PKP4: variants seen among roughly 807,000 people sequenced by gnomAD.
PKP4 encodes the protein plakophilin-4.
Under a neutral mutation model 145.1 loss-of-function variants are expected in PKP4, and 90 were observed. The ratio of observed to expected loss-of-function variants is 0.62; its 90% CI spans 0.52 to 0.74. PKP4 has a LOEUF of 0.74. Among genes scored for constraint, PKP4 ranks in the 30% least tolerant of loss-of-function variants. PKP4 has a pLI of 0.00. For missense variants in PKP4, 1,340 were observed against 1,482.7 expected (o/e 0.90, Z 1.58); for synonymous variants, 563 against 577.2 (o/e 0.98, Z 0.35).
intron 3 of PKP4, among the ~76,000 whole-genome samples, chr2:158,595,894 C>G (rs1406042616): frequency 1.3e-5 from 2 of 152,084 alleles, no homozygotes; most frequent in Non-Finnish European, 2.9e-5. Context: ...CTATGGAGCC[C>G]AGTTCACATA....
At chr2:158,504,428 G>T (rs970895819) in intron 1 of PKP4, among the ~76,000 whole-genome samples, 3 of 152,178 alleles carry the variant, frequency 2.0e-5, no homozygotes, top group African/African-American at 4.8e-5. Flanking sequence ...AGAATTATCT[G>T]ATTTATTGAT....
At position 158,511,115 on chromosome 2, in the gene PKP4, G is replaced by A. The variant is rs543757755; in HGVS notation, c.-5-22065G>A. ...GAAACTCACGTCAGGGGCTGAGCGC[G>A]GTGGCTCACACCTGAAATCTCAGCA... On this transcript the variant is annotated intron_variant, in intron 1 of 21. Transcript: ENST00000389759. Among the ~76,000 whole-genome samples the A allele has an allele frequency of 1.5e-4, 23 of 152,304 alleles. 1 individual carries two copies. In the South Asian group the frequency reaches 3.3e-3, roughly 22 times the overall value.
chr2:158,575,509 G>C (rs1411101992), intron 2 of PKP4, among the ~76,000 whole-genome samples: 3 of 152,142 alleles, frequency 2.0e-5, no homozygotes, highest in Non-Finnish European at 2.9e-5. Flanking sequence ...TTGTTTCTAT[G>C]AATGGAATTT....
At chr2:158,625,452 A>G (rs769886951) in intron 7 of PKP4, 25 bp downstream of exon 7, 1 of 1,548,188 alleles carries the variant, frequency 6.5e-7, no homozygotes, top group Non-Finnish European at 8.8e-7. Flanking sequence ...ACAGTGCTAC[A>G]TAAAACCCAG....
At chr2:158,605,961 T>C (rs1034739245) in intron 4 of PKP4, among the ~76,000 whole-genome samples, 7 of 152,240 alleles carry the variant, frequency 4.6e-5, no homozygotes, top group African/African-American at 1.7e-4. Context: ...TATCATAGCA[T>C]GTAACAGTAG....
chr2:158,612,830 T>C (rs932999724), intron 4 of PKP4, among the ~76,000 whole-genome samples: 14 of 146,464 alleles, frequency 9.6e-5, no homozygotes, highest in Non-Finnish European at 1.9e-4. Flanking sequence ...CGGACCATCA[T>C]GCTAATTAAC....
intron 3 of PKP4, among the ~76,000 whole-genome samples, chr2:158,586,008 A>G (rs2048773093): frequency 6.6e-6 from 1 of 151,924 alleles, no homozygotes; most frequent in Non-Finnish European, 1.5e-5. Flanking sequence ...TTTCTAATAA[A>G]TTATATCATT....
intron 1 of PKP4, among the ~76,000 whole-genome samples, chr2:158,474,580 T>C (rs1350373841): frequency 6.6e-6 from 1 of 152,246 alleles, no homozygotes; most frequent in Non-Finnish European, 1.5e-5. Flanking sequence ...TTTCCGTAAT[T>C]CATTTTGGAA....
At chr2:158,602,817 G>A (rs1392609387) in intron 3 of PKP4, among the ~76,000 whole-genome samples, 1 of 152,014 alleles carries the variant, frequency 6.6e-6, no homozygotes, top group Non-Finnish European at 1.5e-5. Context: ...ATACAGTTGT[G>A]CTGTTTTGTC....
intron 1 of PKP4, among the ~76,000 whole-genome samples, chr2:158,508,943 G>C (rs1421139176): frequency 6.6e-6 from 1 of 152,108 alleles, no homozygotes; most frequent in Non-Finnish European, 1.5e-5. Flanking sequence ...ACTCTGTAAT[G>C]CCATACTTTA....
chr2:158,572,369 A>G (rs2047482021), intron 2 of PKP4, among the ~76,000 whole-genome samples: 2 of 152,264 alleles, frequency 1.3e-5, no homozygotes, highest in African/African-American at 4.8e-5. Context: ...AAAATATTTG[A>G]ATTGTCTTTT....
chr2:158,522,995 C>T (rs61152259), intron 1 of PKP4, among the ~76,000 whole-genome samples: 9,607 of 152,052 alleles, frequency 0.063, 410 homozygotes, highest in South Asian at 0.12. Context: ...CACGGAATCT[C>T]GCTGATTGCT....
At chr2:158,623,522 T>C (rs1047010585) in intron 6 of PKP4, among the ~76,000 whole-genome samples, 8 of 152,126 alleles carry the variant, frequency 5.3e-5, no homozygotes, top group African/African-American at 1.9e-4. Context: ...CTACTAATTT[T>C]TAAACCCCAT....
intron 9 of PKP4, among the ~76,000 whole-genome samples, chr2:158,635,506 G>T (rs1189068430): frequency 6.6e-6 from 1 of 152,088 alleles, no homozygotes; most frequent in African/African-American, 2.4e-5. Flanking sequence ...AAAGAGTTTT[G>T]AATTGTAGGT....
chr2:158,663,450 G>C lies in PKP4; in HGVS notation c.2577+5G>C. On this transcript the variant is annotated splice_donor_5th_base_variant and intron_variant, in intron 15 of 21. Transcript: ENST00000389759. ...CTCTCTGCTGGCAACTGGAAGGTAG[G>C]ATGACTTCCACTTATCTACACTTCT... The C allele has an allele frequency of 6.2e-7, 1 of 1,605,250 alleles. No homozygotes were observed. Among genetic ancestry groups the C allele is most frequent in the Non-Finnish European group, 8.5e-7 (1 of 1,173,828 alleles).
intron 3 of PKP4, 104 bp from the exon 4 acceptor site, chr2:158,602,966 A>G (rs2050348984): frequency 1.7e-6 from 1 of 588,156 alleles, no homozygotes; most frequent in East Asian, 3.2e-5. Flanking sequence ...GTGCTCTTGT[A>G]TAATTTAATG....
intron 1 of PKP4, among the ~76,000 whole-genome samples, chr2:158,468,626 T>A (rs1183951709): frequency 2.0e-5 from 3 of 152,144 alleles, no homozygotes; most frequent in Admixed American, 2.0e-4. Context: ...GGTGAGGATG[T>A]AAGATGAAGA....
chr2:158,463,918 G>C (rs1279291227), intron 1 of PKP4, among the ~76,000 whole-genome samples: 1 of 152,170 alleles, frequency 6.6e-6, no homozygotes, highest in Non-Finnish European at 1.5e-5. Context: ...TGCTCCAGGA[G>C]TGAGGATCCC....
At chr2:158,604,097 C>T (rs991918162) in intron 4 of PKP4, among the ~76,000 whole-genome samples, 3 of 152,280 alleles carry the variant, frequency 2.0e-5, no homozygotes, top group African/African-American at 7.2e-5. Flanking sequence ...GCAAGTCACA[C>T]CATGAAATAA....
Sources: gnomAD v4.1 joint callset for allele counts (sites outside exome capture counted in the v4.1 genomes callset) on GRCh38, gnomAD v4.1.1 for gene constraint, MANE v1.5 for transcripts, NCBI Gene and HGNC (gene_info 2026-07-23, HGNC 2026-07-21) for gene names.